CCR5AS: variants seen among roughly 807,000 people sequenced by gnomAD.
The protein encoded by CCR5AS is CCR5 antisense RNA.
Position 46,403,853 on chromosome 3 carries a change from G to A in CCR5AS, n.163+3044C>T, listed in dbSNP as rs148615245. Among the ~76,000 whole-genome samples, 363 of 152,332 alleles carry A rather than the reference G, an allele frequency of 2.4e-3. 3 individuals carry two copies. Among genetic ancestry groups the A allele is most frequent in the African/African-American group, 7.8e-3 (325 of 41,558 alleles). The stretch of plus-strand genomic sequence containing the variant: ...TGGTGTCGGCAAAATTCACTGAGGA[G>A]TGGGCACTGCAGGGTCTCCACCCAG... On this transcript the variant is annotated intron_variant and non_coding_transcript_variant, in intron 1 of 3. Coordinates refer to ENST00000451485, the Ensembl canonical transcript of CCR5AS.
chr3:46,384,238 A>G (rs1448798272), intron 2 of CCR5AS, among the ~76,000 whole-genome samples: 1 of 152,252 alleles, frequency 6.6e-6, no homozygotes, highest in Non-Finnish European at 1.5e-5. Context: ...TGATGTTTAC[A>G]TAGCATACAA....
At chr3:46,387,024 T>C (rs1008318979) in intron 2 of CCR5AS, among the ~76,000 whole-genome samples, 10 of 151,904 alleles carry the variant, frequency 6.6e-5, no homozygotes, top group African/African-American at 2.4e-4. Flanking sequence ...ATTTTCATAA[T>C]AAAATTGAGA....
chr3:46,406,396 C>G (rs901951590), intron 1 of CCR5AS, among the ~76,000 whole-genome samples: 2 of 151,930 alleles, frequency 1.3e-5, no homozygotes, highest in Admixed American at 6.6e-5. Context: ...CTTCTCGGTT[C>G]GTCCTTCTTC....
At position 46,379,325 on chromosome 3, in the gene CCR5AS, T is replaced by C. The variant is rs549828678; in HGVS notation, n.392-7908A>G. On this transcript the variant is annotated intron_variant and non_coding_transcript_variant, in intron 2 of 3. Transcript: ENST00000451485. ...CTGAGAATGATGGTTTCCAATTTCA[T>C]CCATGTCCCTACAAAGGACATGAAC... is the stretch of plus-strand genomic sequence containing the variant. 2.0e-5 allele frequency among the ~76,000 whole-genome samples: 3 copies of C among 152,014 alleles called. No individual in the cohort carries two copies. The East Asian group carries it at 5.8e-4, about 29-fold the overall frequency.
chr3:46,388,416 A>G (rs1044562374), intron 2 of CCR5AS, among the ~76,000 whole-genome samples: 1 of 152,198 alleles, frequency 6.6e-6, no homozygotes, highest in African/African-American at 2.4e-5. Context: ...TAAACGGAAG[A>G]CACAAGGTCT....
intron 1 of CCR5AS, among the ~76,000 whole-genome samples, chr3:46,401,281 T>C (rs911280924): frequency 1.3e-5 from 2 of 152,236 alleles, no homozygotes; most frequent in African/African-American, 4.8e-5. Flanking sequence ...CAAAGTGTAT[T>C]ACTTCATGGT....
At chr3:46,404,156 A>C (rs1702025547) in intron 1 of CCR5AS, among the ~76,000 whole-genome samples, 1 of 152,118 alleles carries the variant, frequency 6.6e-6, no homozygotes, top group South Asian at 2.1e-4. Flanking sequence ...CTTCGGTAAA[A>C]TTATTGCTAA....
rs1472388344 is a variant in CCR5AS, at chr3:46,384,872, G to C, written n.391+7953C>G. The stretch of plus-strand genomic sequence containing the variant: ...TACATAGATGATAGATAGATAGATA[G>C]ATAGATAGATAGATAGATAGATAGA... On this transcript the variant is annotated intron_variant and non_coding_transcript_variant, in intron 2 of 3. Coordinates refer to ENST00000451485, the Ensembl canonical transcript of CCR5AS. 3.2e-5 allele frequency among the ~76,000 whole-genome samples: 4 copies of C among 124,720 alleles called. No homozygotes were observed. The Admixed American group carries it at 3.8e-4, about 12-fold the overall frequency. The allele number at this position is 124,720 out of a possible 152,430, so 81.8% of individuals were successfully genotyped here. A position where few individuals can be genotyped will look rare whatever the true frequency, so the allele number is the denominator to read the frequency against.
chr3:46,389,291 C>T (rs1215233778), intron 2 of CCR5AS, among the ~76,000 whole-genome samples: 1 of 152,108 alleles, frequency 6.6e-6, no homozygotes, highest in African/African-American at 2.4e-5. Context: ...GTCTGATGGG[C>T]ACAGCTTTAT....
At chr3:46,374,246 C>G (rs570782804) in intron 2 of CCR5AS, 2 of 288,494 alleles carry the variant, frequency 6.9e-6, no homozygotes, top group East Asian at 1.3e-4. Context: ...CCCTTCACTC[C>G]GAAAGTTCCT....
intron 1 of CCR5AS, among the ~76,000 whole-genome samples, chr3:46,399,296 C>T (rs1019104546): frequency 3.3e-5 from 5 of 152,256 alleles, no homozygotes; most frequent in Admixed American, 2.0e-4. Flanking sequence ...GCATTAGCTG[C>T]CCCAGCAGCT....
chr3:46,388,220 G>T (rs954092802), intron 2 of CCR5AS, among the ~76,000 whole-genome samples: 1 of 152,140 alleles, frequency 6.6e-6, no homozygotes, highest in Non-Finnish European at 1.5e-5. Flanking sequence ...GAGAGATAAT[G>T]GGTGATGTTT....
chr3:46,373,941 GA>G, intron 2 of CCR5AS: 1 of 1,571,330 alleles, frequency 6.4e-7, no homozygotes. Flanking sequence ...TGGGGAGCAG[GA>G]AATATCTGTG....
intron 2 of CCR5AS, among the ~76,000 whole-genome samples, chr3:46,377,952 G>A (rs534729130): frequency 1.7e-3 from 266 of 152,122 alleles, no homozygotes; most frequent in Admixed American, 4.1e-3. Flanking sequence ...TGATCTGCCC[G>A]CCTCGGCCTC....
intron 1 of CCR5AS, among the ~76,000 whole-genome samples, chr3:46,402,072 G>A (rs540499982): frequency 6.6e-6 from 1 of 152,230 alleles, no homozygotes; most frequent in East Asian, 1.9e-4. Context: ...AAACTTAAAT[G>A]AGCAATAGCC....
intron 2 of CCR5AS, among the ~76,000 whole-genome samples, chr3:46,381,352 G>T (rs752516048): frequency 9.9e-5 from 15 of 152,150 alleles, no homozygotes; most frequent in Non-Finnish European, 1.9e-4. Context: ...CTGAAGAACT[G>T]GGAACTCATG....
chr3:46,398,148 A>G (rs568370427), intron 1 of CCR5AS, among the ~76,000 whole-genome samples: 123 of 152,356 alleles, frequency 8.1e-4, no homozygotes, highest in South Asian at 2.9e-3. Flanking sequence ...CTCTGAGACT[A>G]CAAATCCTGT....
intron 3 of CCR5AS, among the ~76,000 whole-genome samples, chr3:46,369,995 T>A (rs569580492): frequency 6.6e-6 from 1 of 152,328 alleles, no homozygotes; most frequent in East Asian, 1.9e-4. Flanking sequence ...GGAGTAGCTC[T>A]CTGCTGTCTT....
intron 2 of CCR5AS, among the ~76,000 whole-genome samples, chr3:46,381,458 G>T (rs530992248): frequency 6.6e-6 from 1 of 152,224 alleles, no homozygotes; most frequent in Admixed American, 6.5e-5. Flanking sequence ...TTAAACACAT[G>T]TACACACACA....
Sources: allele counts gnomAD v4.1 joint callset (sites outside exome capture counted in the v4.1 genomes callset), GRCh38; gene constraint gnomAD v4.1.1; transcripts MANE v1.5; gene names NCBI Gene and HGNC (gene_info 2026-07-23, HGNC 2026-07-21).